PDLIM3: variants seen among roughly 807,000 people sequenced by gnomAD.
PDLIM3 encodes PDZ and LIM domain protein 3.
Under a neutral mutation model 37.3 loss-of-function variants are expected in PDLIM3, and 36 were observed. The ratio of observed to expected loss-of-function variants is 0.97; its 90% CI spans 0.74 to 1.28. PDLIM3 has a LOEUF of 1.28. Among genes scored for constraint, PDLIM3 ranks in the 50% most tolerant of loss-of-function variants. The pLI is 0.00. For synonymous variants in PDLIM3, 174 were observed against 182.4 expected (o/e 0.95, Z 0.37); for missense variants, 454 against 485.0 (o/e 0.94, Z 0.60).
At chr4:185,502,578 T>C in intron 7 of PDLIM3, 95 bp from the exon 8 acceptor site, 1 of 1,178,190 alleles carries the variant, frequency 8.5e-7, no homozygotes, top group East Asian at 2.4e-5. Flanking sequence ...ATGTTCTCTA[T>C]TTCACAGTCA....
chr4:185,523,621 C>G (rs1020764444), intron 2 of PDLIM3, among the ~76,000 whole-genome samples, 175 bp from the exon 3 acceptor site: 1 of 151,024 alleles, frequency 6.6e-6, no homozygotes, highest in African/African-American at 2.4e-5. Flanking sequence ...GTCTTCCCCC[C>G]CCCTTTTTTT....
At position 185,535,472 on chromosome 4, in the gene PDLIM3, C is replaced by G. The variant is rs768632233; in HGVS notation, c.-38G>C. On this transcript the variant is annotated 5_prime_UTR_variant, in exon 1 of 8. Transcript: ENST00000284767. ...CCGCCCACCGGGCTCTAAGTGTCCC[C>G]GCGCAGGGCAGCCACTCCGCGCCGG... 4.6e-6 allele frequency: 7 copies of G among 1,524,742 alleles called. No individual in the cohort carries two copies. The highest frequency in any genetic ancestry group is 1.9e-4 in the Middle Eastern group (1 of 5,316). 94.5% of individuals were successfully genotyped at this position (1,524,742 alleles called of 1,614,324 possible). A position where few individuals can be genotyped will look rare whatever the true frequency, so the allele number is the denominator to read the frequency against.
At chr4:185,506,476 A>C in intron 6 of PDLIM3, 46 bp downstream of exon 6, 1 of 1,611,290 alleles carries the variant, frequency 6.2e-7, no homozygotes, top group Non-Finnish European at 8.5e-7. Flanking sequence ...CGCCCCCTGC[A>C]GTGGCCTCTA....
At position 185,521,395 on chromosome 4, in the gene PDLIM3, TTTTC is replaced by T. The variant is rs1387059544; in HGVS notation, c.330+1963_330+1966del. Reference sequence around the variant, plus strand: ...AAGTATCCCACTCAACTTTCTTTTCTTTTCTTTTTTTTTTTTTTTGAGACAGGGT... The same window carrying T: ...AAGTATCCCACTCAACTTTCTTTTCTTTTTTTTTTTTTTTTGAGACAGGGT... On this transcript the variant is annotated intron_variant, in intron 3 of 7. Transcript: ENST00000284767. Among the ~76,000 whole-genome samples, 3 of 18,980 alleles carry T rather than the reference TTTTC, an allele frequency of 1.6e-4. 1 individual carries two copies. The highest frequency in any genetic ancestry group is 2.0e-4 in the African/African-American group (3 of 15,368). The allele number at this position is 18,980 out of a possible 152,430, so 12.5% of individuals were successfully genotyped here.
At chr4:185,524,947 AAGT>A in intron 2 of PDLIM3, 70 bp downstream of exon 2, 1 of 1,471,486 alleles carries the variant, frequency 6.8e-7, no homozygotes. Flanking sequence ...TGGGAGGATG[AAGT>A]TATTTATAGT....
intron 4 of PDLIM3, among the ~76,000 whole-genome samples, chr4:185,508,928 G>T (rs2095702436): frequency 6.6e-6 from 1 of 152,182 alleles, no homozygotes; most frequent in African/African-American, 2.4e-5. Context: ...TTTAAAACTG[G>T]TCAATATCAC....
At chr4:185,519,987 TAAAAA>T (rs1331981499) in intron 3 of PDLIM3, among the ~76,000 whole-genome samples, 1 of 152,166 alleles carries the variant, frequency 6.6e-6, no homozygotes, top group African/African-American at 2.4e-5. Context: ...GTCATTTTGA[TAAAAA>T]AGAAAAAGAC....
At chr4:185,505,972 G>A (rs2095696178) in intron 6 of PDLIM3, among the ~76,000 whole-genome samples, 1 of 152,200 alleles carries the variant, frequency 6.6e-6, no homozygotes, top group South Asian at 2.1e-4. Flanking sequence ...GAGTGGGCTG[G>A]AGACCCAGGT....
Position 185,522,544 on chromosome 4 carries a change from T to C in PDLIM3, c.330+818A>G, listed in dbSNP as rs1343697038. The stretch of plus-strand genomic sequence containing the variant: ...TTTCAGTTCCCTTTCATCAGTTATA[T>C]AGAACAACTACATGCTGGGAATATC... On this transcript the variant is annotated intron_variant, in intron 3 of 7. Transcript: ENST00000284767. Among the ~76,000 whole-genome samples the C allele has an allele frequency of 6.0e-5, 4 of 66,762 alleles. 2 individuals are homozygous for C. The South Asian group carries it at 2.1e-3, about 36-fold the overall frequency. 43.8% of individuals were successfully genotyped at this position (66,762 alleles called of 152,430 possible). A position where few individuals can be genotyped will look rare whatever the true frequency, so the allele number is the denominator to read the frequency against.
chr4:185,532,635 G>A (rs529180878), intron 1 of PDLIM3, among the ~76,000 whole-genome samples: 2 of 152,160 alleles, frequency 1.3e-5, no homozygotes, highest in Non-Finnish European at 2.9e-5. Context: ...AAAGGGAGAG[G>A]AAAGAAATGA....
chr4:185,506,792 C>A, intron 5 of PDLIM3, 140 bp from the exon 6 acceptor site: 1 of 717,562 alleles, frequency 1.4e-6, no homozygotes, highest in African/African-American at 1.7e-5. Flanking sequence ...AAGTGAATCT[C>A]TAGTATAGTT....
Position 185,523,216 on chromosome 4 carries a change from A to G in PDLIM3, c.330+146T>C, listed in dbSNP as rs184177090. ...CTTGATGTAAGAAAACACGGATAAT[A>G]TAAATTAATCTCGGAGAGGAATGAC... On this transcript the variant is annotated intron_variant, in intron 3 of 7. Transcript: ENST00000284767. The G allele has an allele frequency of 1.1e-3, 696 of 629,042 alleles. 4 individuals carry two copies. The highest frequency in any genetic ancestry group is 5.1e-4 in the South Asian group (27 of 53,114). The allele number at this position is 629,042 out of a possible 1,614,324, so 39.0% of individuals were successfully genotyped here. A position where few individuals can be genotyped will look rare whatever the true frequency, so the allele number is the denominator to read the frequency against.
chr4:185,507,786 C>T (rs2095700094), intron 5 of PDLIM3, among the ~76,000 whole-genome samples: 1 of 152,056 alleles, frequency 6.6e-6, no homozygotes, highest in East Asian at 1.9e-4. Flanking sequence ...CCTTTATGCA[C>T]AATAAACATT....
At chr4:185,509,764 G>A (rs2095703775) in intron 4 of PDLIM3, among the ~76,000 whole-genome samples, 1 of 152,136 alleles carries the variant, frequency 6.6e-6, no homozygotes, top group South Asian at 2.1e-4. Flanking sequence ...CTCAAGTATG[G>A]CCCCATATCT....
At position 185,502,127 on chromosome 4, in the gene PDLIM3, T is replaced by C. The variant is rs2095687978; in HGVS notation, c.*167A>G. The C allele has an allele frequency of 1.4e-6, 1 of 729,214 alleles. No homozygotes were observed. The highest frequency in any genetic ancestry group is 2.4e-6 in the Non-Finnish European group (1 of 415,788). The allele number at this position is 729,214 out of a possible 1,614,324, so 45.2% of individuals were successfully genotyped here. A position where few individuals can be genotyped will look rare whatever the true frequency, so the allele number is the denominator to read the frequency against. ...TATGTTTTTTTCACATAGCAGGCAT[T>C]TGCCTCCCATTCCTTTTCCTCAATA... is the stretch of plus-strand genomic sequence containing the variant. On this transcript the variant is annotated 3_prime_UTR_variant, in exon 8 of 8. Transcript: ENST00000284767.
chr4:185,507,915 A>T (rs1427303841), intron 5 of PDLIM3, among the ~76,000 whole-genome samples: 3 of 152,100 alleles, frequency 2.0e-5, no homozygotes, highest in Non-Finnish European at 4.4e-5. Flanking sequence ...AAGGACAGAC[A>T]TAGGGTATAC....
chr4:185,505,503 C>T lies in PDLIM3; in HGVS notation c.794-917G>A, dbSNP rs145073512. Among the ~76,000 whole-genome samples the T allele has an allele frequency of 8.3e-3, 1,263 of 152,174 alleles. 7 individuals are homozygous for T. The highest frequency in any genetic ancestry group is 0.02 in the Middle Eastern group (6 of 294). On this transcript the variant is annotated intron_variant, in intron 6 of 7. Coordinates refer to ENST00000284767, the MANE Select transcript of PDLIM3 (RefSeq NM_014476.6). ...GGGCGCGGTGGTGGGTGCCTGTAAT[C>T]CCATCTACTTGGGAGGCTGAGGCAG...
At chr4:185,512,741 T>A (rs908593299) in intron 4 of PDLIM3, 1 of 984,746 alleles carries the variant, frequency 1.0e-6, no homozygotes, top group Non-Finnish European at 1.2e-6. Context: ...ATGCAAGTGA[T>A]TAATTTTACT....
intron 6 of PDLIM3, 56 bp downstream of exon 6, chr4:185,506,466 C>T (rs1410598213): frequency 1.8e-5 from 29 of 1,607,622 alleles, no homozygotes; most frequent in Non-Finnish European, 2.3e-5. Context: ...GTCCCCGTCC[C>T]GCCCCCTGCA....
Sources: gnomAD v4.1 joint callset for allele counts (sites outside exome capture counted in the v4.1 genomes callset) on GRCh38, gnomAD v4.1.1 for gene constraint, MANE v1.5 for transcripts, NCBI Gene and HGNC (gene_info 2026-07-23, HGNC 2026-07-21) for gene names.